EML4: variants seen among roughly 807,000 people sequenced by gnomAD.
EML4 encodes EMAP like 4, also known as echinoderm microtubule-associated protein-like 4.
A neutral mutation model predicts 129.0 loss-of-function variants in EML4; 72 were observed. The ratio of observed to expected loss-of-function variants is 0.56; its 90% CI spans 0.46 to 0.68. The LOEUF is 0.68. EML4 is among the 30% of genes least tolerant of loss of function. The pLI, the probability that EML4 is intolerant of heterozygous loss-of-function variation, is 0.00. For missense variants in EML4, 1,363 were observed against 1,190.6 expected (o/e 1.14, Z -2.13); for synonymous variants, 532 against 405.0 (o/e 1.31, Z -3.77).
At chr2:42,283,526 T>C (rs1328543224) in intron 8 of EML4, among the ~76,000 whole-genome samples, 1 of 152,204 alleles carries the variant, frequency 6.6e-6, no homozygotes, top group South Asian at 2.1e-4. Context: ...TTTCCAACTT[T>C]TATTTTTTAT....
At chr2:42,229,800 ATC>A (rs1432320382) in intron 1 of EML4, among the ~76,000 whole-genome samples, 1 of 152,120 alleles carries the variant, frequency 6.6e-6, no homozygotes, top group African/African-American at 2.4e-5. Context: ...GTTGGGCTAA[ATC>A]TCTAAAACTG....
At chr2:42,267,614 A>G (rs575515273) in intron 6 of EML4, among the ~76,000 whole-genome samples, 3 of 152,330 alleles carry the variant, frequency 2.0e-5, no homozygotes, top group South Asian at 4.1e-4. Context: ...GAGAAAAGCT[A>G]GAAAGCTGCA....
chr2:42,198,752 C>A (rs1021775513), intron 1 of EML4, among the ~76,000 whole-genome samples: 1 of 152,108 alleles, frequency 6.6e-6, no homozygotes, highest in African/African-American at 2.4e-5. Context: ...AGTTGGAGTT[C>A]ACTTGGAAAA....
chr2:42,284,564 T>C (rs1428748130), intron 8 of EML4, 70 bp from the exon 9 acceptor site: 2 of 1,029,092 alleles, frequency 1.9e-6, no homozygotes, highest in Non-Finnish European at 2.9e-6. Context: ...ATTTGAAAAA[T>C]GTCAGTACAA....
intron 13 of EML4, among the ~76,000 whole-genome samples, chr2:42,300,569 G>C (rs1256694230): frequency 1.3e-5 from 2 of 152,148 alleles, no homozygotes; most frequent in African/African-American, 4.8e-5. Flanking sequence ...TTCTCTGCTA[G>C]TAGGTCAAAA....
chr2:42,170,820 A>T (rs1416341499), intron 1 of EML4, among the ~76,000 whole-genome samples: 1 of 152,228 alleles, frequency 6.6e-6, no homozygotes, highest in Non-Finnish European at 1.5e-5. Context: ...ATGTTCACTG[A>T]TCAGTGAGCA....
intron 1 of EML4, among the ~76,000 whole-genome samples, chr2:42,228,713 T>G (rs1674134346): frequency 6.6e-6 from 1 of 152,294 alleles, no homozygotes; most frequent in South Asian, 2.1e-4. Flanking sequence ...TTTCTGTGAG[T>G]TCTACAATTT....
At chr2:42,199,104 T>C (rs973822114) in intron 1 of EML4, among the ~76,000 whole-genome samples, 1 of 152,166 alleles carries the variant, frequency 6.6e-6, no homozygotes. Context: ...ACCAAAAGTT[T>C]CCATGAAGCT....
intron 17 of EML4, among the ~76,000 whole-genome samples, chr2:42,305,656 A>G (rs1190062015): frequency 2.0e-5 from 3 of 152,206 alleles, no homozygotes; most frequent in Non-Finnish European, 4.4e-5. Flanking sequence ...AATTGACTCA[A>G]CTTTATTGCC....
chr2:42,281,981 A>C (rs1259373358), intron 7 of EML4, among the ~76,000 whole-genome samples: 1 of 152,190 alleles, frequency 6.6e-6, no homozygotes, highest in African/African-American at 2.4e-5. Context: ...TTTAACAAAC[A>C]TTCTGCCTAC....
At chr2:42,261,410 T>A in intron 4 of EML4, 116 bp downstream of exon 4, 1 of 881,268 alleles carries the variant, frequency 1.1e-6, no homozygotes, top group Non-Finnish European at 1.7e-6. Flanking sequence ...GGTGGCTTTA[T>A]TTTTCCCTTC....
intron 1 of EML4, among the ~76,000 whole-genome samples, chr2:42,185,068 T>C (rs968077724): frequency 3.3e-5 from 5 of 152,188 alleles, no homozygotes. Context: ...GGCAAAATCA[T>C]TGGTCCCGGA....
Position 42,182,221 on chromosome 2 carries a change from A to T in EML4, c.25+12585A>T, listed in dbSNP as rs186617204. On this transcript the variant is annotated intron_variant, in intron 1 of 22. Coordinates refer to ENST00000318522, the MANE Select transcript of EML4 (RefSeq NM_019063.5). ...TGTGCACATTGTGCAGGTTAGTTAC[A>T]TATGTATACATGTGCCATGCTGGTG... Among the ~76,000 whole-genome samples, 94 of 148,130 alleles carry T rather than the reference A, an allele frequency of 6.3e-4. 1 individual carries two copies. Among genetic ancestry groups the T allele is most frequent in the Admixed American group, 6.3e-3 (92 of 14,684 alleles).
intron 1 of EML4, among the ~76,000 whole-genome samples, chr2:42,224,274 C>T (rs1332590434): frequency 6.6e-6 from 1 of 152,084 alleles, no homozygotes; most frequent in Non-Finnish European, 1.5e-5. Flanking sequence ...TTTGCCTGTT[C>T]AGGACATTAT....
intron 2 of EML4, among the ~76,000 whole-genome samples, chr2:42,255,821 C>T (rs1269812666): frequency 6.6e-6 from 1 of 152,176 alleles, no homozygotes; most frequent in Non-Finnish European, 1.5e-5. Context: ...CAGTGTTATA[C>T]CACCATGTGT....
chr2:42,288,472 A>G, intron 11 of EML4, 150 bp downstream of exon 11: 2 of 452,736 alleles, frequency 4.4e-6, no homozygotes, highest in South Asian at 7.3e-5. Flanking sequence ...ATTTGTCATA[A>G]TCGTTAAGAT....
At chr2:42,252,014 A>G (rs536554782) in intron 2 of EML4, among the ~76,000 whole-genome samples, 1 of 152,302 alleles carries the variant, frequency 6.6e-6, no homozygotes, top group Admixed American at 6.5e-5. Flanking sequence ...TGCCAGAAGA[A>G]GTTAGTTATA....
chr2:42,267,624 A>G (rs1385465893), intron 6 of EML4, among the ~76,000 whole-genome samples: 1 of 152,196 alleles, frequency 6.6e-6, no homozygotes, highest in African/African-American at 2.4e-5. Context: ...AGAAAGCTGC[A>G]TATTCCAGTC....
intron 2 of EML4, among the ~76,000 whole-genome samples, chr2:42,254,855 ATTCCCAT>A (rs1457055124): frequency 6.6e-6 from 1 of 152,204 alleles, no homozygotes; most frequent in Admixed American, 6.5e-5. Context: ...TGGCAGCACT[ATTCCCAT>A]TAGCCAAAAG....
Sources: allele counts gnomAD v4.1 joint callset (sites outside exome capture counted in the v4.1 genomes callset), GRCh38; gene constraint gnomAD v4.1.1; transcripts MANE v1.5; gene names NCBI Gene and HGNC (gene_info 2026-07-23, HGNC 2026-07-21).